Variants in GIT2 observed in about 807,000 individuals in gnomAD.
GIT2 encodes ARF GTPase-activating protein GIT2.
A neutral mutation model predicts 100.3 loss-of-function variants in GIT2; 32 were observed. The observed-to-expected ratio is 0.32, with a 90% CI of 0.24 to 0.43. The LOEUF is 0.43. Ranked by LOEUF, GIT2 falls within the 20% of genes least tolerant of loss-of-function variation. The pLI is 1.00. For synonymous variants in GIT2, 353 were observed against 364.1 expected (o/e 0.97, Z 0.35); for missense variants, 737 against 975.1 (o/e 0.76, Z 3.25).
At chr12:109,981,151 G>C (rs1886235474) in intron 6 of GIT2, 105 bp from the exon 7 acceptor site, 1 of 752,832 alleles carries the variant, frequency 1.3e-6, no homozygotes, top group African/African-American at 1.7e-5. Context: ...TATCACACAA[G>C]ACTTTTGAGA....
chr12:109,988,871 A>AAT, intron 4 of GIT2, 92 bp downstream of exon 4: 1 of 542,756 alleles, frequency 1.8e-6, no homozygotes, highest in Non-Finnish European at 3.2e-6. Context: ...AAAAAAAAAA[A>AAT]GCCCACAACC....
In GIT2 at chr12:109,947,642, T is replaced by A. The variant is rs1876706422; in HGVS notation, c.1393-138A>T. 1.3e-6 allele frequency: 1 copy of A among 747,918 alleles called. No individual in the cohort carries two copies. The highest frequency in any genetic ancestry group is 2.2e-6 in the Non-Finnish European group (1 of 450,922). The allele number at this position is 747,918 out of a possible 1,614,324, so 46.3% of individuals were successfully genotyped here. A position where few individuals can be genotyped will look rare whatever the true frequency, so the allele number is the denominator to read the frequency against. On this transcript the variant is annotated intron_variant, in intron 14 of 19. Coordinates refer to ENST00000355312, the MANE Select transcript of GIT2 (RefSeq NM_057169.5). The surrounding 1 kb of genome is among the most constrained non-coding windows in gnomAD (Gnocchi z 4.3). ...AGCCGGGCTGAAAGTAAAAAGCCAA[T>A]ACAAACAAGGACCCTTTCTTCTGGA...
chr12:109,974,565 G>A (rs538125189), intron 7 of GIT2, among the ~76,000 whole-genome samples: 7 of 152,014 alleles, frequency 4.6e-5, no homozygotes, highest in Non-Finnish European at 1.0e-4. Context: ...CAAGCACTTG[G>A]GTATTCTCCA....
chr12:109,967,377 A>T, intron 8 of GIT2, 81 bp downstream of exon 8: 1 of 1,534,508 alleles, frequency 6.5e-7, no homozygotes, highest in Non-Finnish European at 9.0e-7. Flanking sequence ...TGTTAAACAC[A>T]AAATATAATA....
chr12:109,950,157 A>G (rs1280832255), intron 14 of GIT2, among the ~76,000 whole-genome samples: 1 of 152,268 alleles, frequency 6.6e-6, no homozygotes. Context: ...AAAAGTGCAC[A>G]GCAATTTCCT....
At chr12:109,941,127 G>A (rs751991743) in intron 16 of GIT2, among the ~76,000 whole-genome samples, 2 of 152,054 alleles carry the variant, frequency 1.3e-5, no homozygotes, top group African/African-American at 4.8e-5. Flanking sequence ...ACACCTCCAC[G>A]CATGCTGTTT....
At chr12:109,952,707 T>C (rs923940226) in intron 13 of GIT2, 7 of 493,030 alleles carry the variant, frequency 1.4e-5, no homozygotes, top group South Asian at 6.2e-5. Context: ...ATTCTCTCTC[T>C]GCTCACTCCC....
chr12:109,999,667 A>G, upstream of GIT2: 1 of 1,510,252 alleles, frequency 6.6e-7, no homozygotes. The surrounding 1 kb of genome is among the most constrained non-coding windows in gnomAD (Gnocchi z 4.3). Context: ...GGCGACGAGG[A>G]CCAGGTTACG....
chr12:109,955,077 G>C (rs947232492), intron 12 of GIT2, among the ~76,000 whole-genome samples: 2 of 151,946 alleles, frequency 1.3e-5, no homozygotes, highest in African/African-American at 4.8e-5. Flanking sequence ...GTTTTTCTCC[G>C]AGCACTTATA....
At chr12:109,955,659 C>T (rs767009761) in intron 12 of GIT2, among the ~76,000 whole-genome samples, 4 of 152,168 alleles carry the variant, frequency 2.6e-5, no homozygotes, top group Non-Finnish European at 5.9e-5. Flanking sequence ...CACATCACAG[C>T]CTTCTTGCAC....
At chr12:109,965,175 C>G (rs897994759) in intron 9 of GIT2, among the ~76,000 whole-genome samples, 6 of 152,182 alleles carry the variant, frequency 3.9e-5, no homozygotes, top group Admixed American at 3.3e-4. Context: ...CTCTAGAACC[C>G]TACATGGCTA....
At chr12:109,971,836 T>G (rs1050780806) in intron 7 of GIT2, among the ~76,000 whole-genome samples, 2 of 151,156 alleles carry the variant, frequency 1.3e-5, no homozygotes, top group Admixed American at 6.6e-5. Flanking sequence ...CTACTGAAAA[T>G]ACAAAAAATT....
chr12:109,960,395 G>A (rs754833473), intron 11 of GIT2, among the ~76,000 whole-genome samples: 4 of 152,014 alleles, frequency 2.6e-5, no homozygotes, highest in African/African-American at 4.8e-5. Flanking sequence ...AGGCTGAGGC[G>A]GGAGGATCAC....
rs1016496261 is a variant in GIT2, at chr12:109,948,478, G to A, written c.1393-974C>T. 8 of 1,140,672 alleles carry A rather than the reference G, an allele frequency of 7.0e-6. No homozygotes were observed. In the African/African-American group the frequency reaches 9.7e-5, roughly 14 times the overall value. 70.7% of individuals were successfully genotyped at this position (1,140,672 alleles called of 1,614,324 possible). On this transcript the variant is annotated intron_variant, in intron 14 of 19. Coordinates refer to ENST00000355312, the MANE Select transcript of GIT2 (RefSeq NM_057169.5). This position sits in a 1 kb window ranked among gnomAD's most constrained non-coding sequence, Gnocchi z 4.3. ...ATGGTGCTGGATGGATTAGAGTTAA[G>A]GGGTCAGCAGGGAATCGTGTTACTC...
chr12:109,968,759 C>G (rs892610750), intron 7 of GIT2, among the ~76,000 whole-genome samples: 2 of 148,276 alleles, frequency 1.3e-5, no homozygotes, highest in Non-Finnish European at 3.0e-5. Flanking sequence ...CACTCTGCCC[C>G]CCATGGCTGG....
chr12:109,952,766 G>T, intron 13 of GIT2: 4 of 454,616 alleles, frequency 8.8e-6, no homozygotes, highest in South Asian at 7.5e-5. Flanking sequence ...TGCCTTCTCC[G>T]CAGTTCTCTC....
At chr12:109,979,355 AACCTCTGCCTCCTGGGTTC>A (rs1885825030) in intron 7 of GIT2, among the ~76,000 whole-genome samples, 1 of 147,194 alleles carries the variant, frequency 6.8e-6, no homozygotes, top group South Asian at 2.1e-4. Context: ...GGCTCACTGC[AACCTCTGCCTCCTGGGTTC>A]AAGCAATTCT....
intron 1 of GIT2, among the ~76,000 whole-genome samples, chr12:109,995,736 C>A (rs1174978339): frequency 6.6e-6 from 1 of 152,178 alleles, no homozygotes; most frequent in African/African-American, 2.4e-5. Context: ...TCTGGCGAGT[C>A]TCAGGGAGTG....
intron 7 of GIT2, among the ~76,000 whole-genome samples, chr12:109,968,853 C>G (rs1413911007): frequency 1.3e-5 from 2 of 152,048 alleles, no homozygotes; most frequent in Non-Finnish European, 2.9e-5. Context: ...ACCTGAGTAG[C>G]CAGGACTACA....
Sources: allele counts gnomAD v4.1 joint callset (sites outside exome capture counted in the v4.1 genomes callset), GRCh38; gene constraint gnomAD v4.1.1; non-coding constraint Gnocchi (gnomAD v3.1); transcripts MANE v1.5; gene names NCBI Gene and HGNC (gene_info 2026-07-23, HGNC 2026-07-21).